PCSK9: variants seen among roughly 807,000 people sequenced by gnomAD.
The protein encoded by PCSK9 is convertase subtilisin/kexin type 9 preproprotein.
Under a neutral mutation model 62.1 loss-of-function variants are expected in PCSK9, and 57 were observed. The ratio of observed to expected loss-of-function variants is 0.92; its 90% CI spans 0.74 to 1.14. The LOEUF is 1.14. Ranked by LOEUF, PCSK9 falls within the 50% of genes most tolerant of loss-of-function variation. The pLI is 0.00. For missense variants in PCSK9, 870 were observed against 959.8 expected (o/e 0.91, Z 1.24); for synonymous variants, 387 against 409.4 (o/e 0.95, Z 0.66).
chr1:55,060,723 G>C (rs919131885), intron 10 of PCSK9, among the ~76,000 whole-genome samples: 27 of 152,152 alleles, frequency 1.8e-4, no homozygotes, highest in African/African-American at 6.0e-4. Flanking sequence ...GGAACTGCAG[G>C]CTGGACATGC....
rs201405859 is a variant in PCSK9, at chr1:55,052,817, C to T, written c.799+26C>T. ...GTAAGTGATGGCCCCAGACGCTGGTCTCTCTCCATCTGGACCTGGCCTGGG... is the reference window on the plus strand; with the variant it reads ...GTAAGTGATGGCCCCAGACGCTGGTTTCTCTCCATCTGGACCTGGCCTGGG... On this transcript the variant is annotated intron_variant, in intron 5 of 11. Transcript: ENST00000302118. The T allele has an allele frequency of 2.6e-4, 415 of 1,612,846 alleles. 4 individuals are homozygous for T. The Middle Eastern group carries it at 3.6e-3, about 14-fold the overall frequency.
In PCSK9 at chr1:55,056,126, G is replaced by A. The variant is rs1277772261; in HGVS notation, c.933G>A (p.Leu311=). Residue 311 remains leucine (L), a synonymous_variant, in exon 6 of 12, where the codon CTG becomes CTA. Transcript: ENST00000302118. Reference sequence around the variant, plus strand: ...GCCTGGCGAGGGCTGGGGTCGTGCTGGTCACCGCTGCCGGCAACTTCCGGG... The same window carrying A: ...GCCTGGCGAGGGCTGGGGTCGTGCTAGTCACCGCTGCCGGCAACTTCCGGG... The part of the protein sequence containing the change: ...CQRLARAGVV[L]VTAAGNFRDD... The A allele has an allele frequency of 6.4e-7, 1 of 1,572,176 alleles. No individual in the cohort carries two copies. The highest frequency in any genetic ancestry group is 2.3e-5 in the East Asian group (1 of 43,194).
At position 55,052,609 on chromosome 1, in the gene PCSK9, G is replaced by A. The variant is rs1488130239; in HGVS notation, c.658-41G>A. Reference sequence around the variant, plus strand: ...ACCTGCTGATTTGTTATAGGGTGGAGGGGGGGTCTTTCTCATGTGGTCCTT... The same window carrying A: ...ACCTGCTGATTTGTTATAGGGTGGAAGGGGGGTCTTTCTCATGTGGTCCTT... On this transcript the variant is annotated intron_variant, in intron 4 of 11. Coordinates refer to ENST00000302118, the MANE Select transcript of PCSK9 (RefSeq NM_174936.4). 10 of 1,609,988 alleles carry A rather than the reference G, an allele frequency of 6.2e-6. No individual in the cohort carries two copies. In the East Asian group the frequency reaches 6.7e-5, roughly 11 times the overall value.
chr1:55,052,253 C>G, intron 3 of PCSK9, 25 bp from the exon 4 acceptor site: 1 of 1,613,952 alleles, frequency 6.2e-7, no homozygotes, highest in Non-Finnish European at 8.5e-7. Context: ...ATTCCCTCCT[C>G]TCCCACAAAT....
chr1:55,058,932 G>A (rs1449180236), intron 9 of PCSK9, among the ~76,000 whole-genome samples: 1 of 152,210 alleles, frequency 6.6e-6, no homozygotes, highest in Non-Finnish European at 1.5e-5. Context: ...GTGAGCGTGC[G>A]GCAGGGCCGC....
intron 11 of PCSK9, 128 bp from the exon 12 acceptor site, chr1:55,063,241 G>T: frequency 4.1e-6 from 4 of 978,802 alleles, no homozygotes; most frequent in Middle Eastern, 3.1e-4. Flanking sequence ...TGTCCCAAAT[G>T]GGCTCTGAGC....
chr1:55,054,297 C>T (rs1434127622), intron 5 of PCSK9, among the ~76,000 whole-genome samples: 2 of 152,162 alleles, frequency 1.3e-5, no homozygotes, highest in Non-Finnish European at 2.9e-5. Context: ...GCAGGAGAAT[C>T]GCTTGAACCC....
intron 5 of PCSK9, 28 bp downstream of exon 5, chr1:55,052,819 C>T (rs1644685885): frequency 6.2e-7 from 1 of 1,612,868 alleles, no homozygotes; most frequent in East Asian, 2.2e-5. Context: ...ACGCTGGTCT[C>T]TCTCCATCTG....
Position 55,039,742 on chromosome 1 carries a change from A to G in PCSK9, c.-96A>G, listed in dbSNP as rs1398594982. On this transcript the variant is annotated 5_prime_UTR_variant, in exon 1 of 12. Transcript: ENST00000302118. ...TGCTCCTGAACTTCAGCTCCTGCACAGTCCTCCCCACCGCAAGGCTCAAGG... is the reference window on the plus strand; with the variant it reads ...TGCTCCTGAACTTCAGCTCCTGCACGGTCCTCCCCACCGCAAGGCTCAAGG... 7.1e-7 allele frequency: 1 copy of G among 1,407,854 alleles called. No individual in the cohort carries two copies. Among genetic ancestry groups the G allele is most frequent in the Non-Finnish European group, 9.8e-7 (1 of 1,019,220 alleles). 87.2% of individuals were successfully genotyped at this position (1,407,854 alleles called of 1,614,324 possible). A position where few individuals can be genotyped will look rare whatever the true frequency, so the allele number is the denominator to read the frequency against.
chr1:55,061,975 G>A (rs1572033), intron 11 of PCSK9, among the ~76,000 whole-genome samples: 226 of 152,296 alleles, frequency 1.5e-3, no homozygotes, highest in African/African-American at 5.0e-3. Flanking sequence ...GGCATGAGCC[G>A]CTGCACCTGG....
intron 3 of PCSK9, among the ~76,000 whole-genome samples, chr1:55,048,251 T>C (rs1359857660): frequency 6.6e-6 from 1 of 152,134 alleles, no homozygotes; most frequent in Non-Finnish European, 1.5e-5. Context: ...CTCCTCTTCA[T>C]TGTCTCATAA....
chr1:55,056,140 G>C lies in PCSK9; in HGVS notation c.947G>C (p.Gly316Ala). Residue 316 changes from glycine (G) to alanine (A), a missense_variant, in exon 6 of 12, where the codon GGC becomes GCC. By Grantham distance (60) the Gly-to-Ala change is moderately conservative. Transcript: ENST00000302118. ...GGGGTCGTGCTGGTCACCGCTGCCGGCAACTTCCGGGACGATGCCTGCCTC... is the reference window on the plus strand; with the variant it reads ...GGGGTCGTGCTGGTCACCGCTGCCGCCAACTTCCGGGACGATGCCTGCCTC... ...RAGVVLVTAA[G>A]NFRDDACLYS... The C allele has an allele frequency of 6.4e-7, 1 of 1,553,728 alleles. No individual in the cohort carries two copies. The highest frequency in any genetic ancestry group is 8.7e-7 in the Non-Finnish European group (1 of 1,142,956).
chr1:55,056,359 G>A (rs1644714854), intron 6 of PCSK9, among the ~76,000 whole-genome samples, 170 bp downstream of exon 6: 1 of 152,212 alleles, frequency 6.6e-6, no homozygotes, highest in Admixed American at 6.5e-5. Flanking sequence ...CCCCCGCCAT[G>A]CGGGAGGCTG....
rs1644592310 is a variant in PCSK9, at chr1:55,040,671, A to G, written c.207+627A>G. On this transcript the variant is annotated intron_variant, in intron 1 of 11. Transcript: ENST00000302118. This position sits in a 1 kb window ranked among gnomAD's most constrained non-coding sequence, Gnocchi z 4.1. ...GAAGAAAAGAACCAGCTGAAGGGGCAGGGGAGAAGGGGCGGAGGTATTCTC... is the reference window on the plus strand; with the variant it reads ...GAAGAAAAGAACCAGCTGAAGGGGCGGGGGAGAAGGGGCGGAGGTATTCTC... Among the ~76,000 whole-genome samples, 1 of 152,196 alleles carries G rather than the reference A, an allele frequency of 6.6e-6. No individual in the cohort carries two copies. Among genetic ancestry groups the G allele is most frequent in the Non-Finnish European group, 1.5e-5 (1 of 68,016 alleles).
At chr1:55,055,118 C>T (rs978576392) in intron 5 of PCSK9, among the ~76,000 whole-genome samples, 2 of 152,110 alleles carry the variant, frequency 1.3e-5, no homozygotes, top group Non-Finnish European at 2.9e-5. Context: ...ACCACACCCT[C>T]AAGGGTGGGG....
At chr1:55,050,075 G>A (rs1479053037) in intron 3 of PCSK9, among the ~76,000 whole-genome samples, 1 of 152,256 alleles carries the variant, frequency 6.6e-6, no homozygotes, top group Non-Finnish European at 1.5e-5. Context: ...TCCAGGGAGG[G>A]AAGCAGCCTC....
intron 9 of PCSK9, 50 bp from the exon 10 acceptor site, chr1:55,059,432 GTGTT>G: frequency 6.5e-7 from 1 of 1,540,868 alleles, no homozygotes; most frequent in Non-Finnish European, 8.8e-7. Context: ...GTCCCTTTCT[GTGTT>G]TTCAAAGCCC....
chr1:55,060,823 T>C (rs1429835005), intron 10 of PCSK9, among the ~76,000 whole-genome samples: 1 of 152,212 alleles, frequency 6.6e-6, no homozygotes, highest in South Asian at 2.1e-4. Context: ...CCAGGCTCCA[T>C]GCTGGGGCTT....
chr1:55,052,604 G>A (rs762380732), intron 4 of PCSK9, 46 bp from the exon 5 acceptor site: 38 of 1,610,532 alleles, frequency 2.4e-5, no homozygotes, highest in Non-Finnish European at 3.1e-5. Context: ...TTGTTATAGG[G>A]TGGAGGGGGG....
Sources: gnomAD v4.1 joint callset for allele counts (sites outside exome capture counted in the v4.1 genomes callset) on GRCh38, gnomAD v4.1.1 for gene constraint, Gnocchi (gnomAD v3.1) non-coding constraint, MANE v1.5 for transcripts, NCBI Gene and HGNC (gene_info 2026-07-23, HGNC 2026-07-21) for gene names.